The following PPARGC1A variants were observed in gnomAD, a reference collection of about 807,000 sequenced individuals.
The protein encoded by PPARGC1A is PPARG coactivator 1 alpha.
A neutral mutation model predicts 88.7 loss-of-function variants in PPARGC1A; 25 were observed. That is an observed-to-expected ratio of 0.28 (90% CI 0.21 to 0.39). The LOEUF (loss-of-function observed/expected upper bound fraction) is 0.39. Ranked by LOEUF, PPARGC1A falls within the 10% of genes least tolerant of loss-of-function variation. The pLI, the probability that PPARGC1A is intolerant of heterozygous loss-of-function variation, is 1.00. For missense variants in PPARGC1A, 880 were observed against 968.7 expected, an observed-to-expected ratio of 0.91 and a Z score of 1.22; for synonymous variants, 363 against 355.6, an observed-to-expected ratio of 1.02 and a Z score of -0.24.
chr4:24,259,517 T>G, the PPARGC1A span, among the ~76,000 whole-genome samples: 2 of 152,188 alleles, frequency 1.3e-5, no homozygotes, highest in Non-Finnish European at 2.9e-5. Context: ...GGTGGTCCCA[T>G]AACAATATAA....
At chr4:23,893,051 A>G (rs568988699), upstream of PPARGC1A, among the ~76,000 whole-genome samples, 11 of 152,182 alleles carry the variant, frequency 7.2e-5, no homozygotes, top group South Asian at 1.0e-3. Context: ...AGTGCCCCCA[A>G]TGTTGCATAT....
the PPARGC1A span, among the ~76,000 whole-genome samples, chr4:24,296,404 C>T: frequency 6.6e-6 from 1 of 152,034 alleles, no homozygotes. Flanking sequence ...AAATGGGTGT[C>T]TCCTATTTTA....
chr4:24,289,955 G>C, the PPARGC1A span, among the ~76,000 whole-genome samples: 1 of 152,200 alleles, frequency 6.6e-6, no homozygotes, highest in Non-Finnish European at 1.5e-5. Context: ...AATCATGGAG[G>C]AATATTGATG....
At chr4:23,831,817 A>G (rs1035568523) in intron 2 of PPARGC1A, 66 bp from the exon 3 acceptor site, 143 of 1,308,540 alleles carry the variant, frequency 1.1e-4, no homozygotes, top group Non-Finnish European at 1.5e-4. Context: ...CTATGCATCA[A>G]CATGTTTGAC....
At chr4:24,163,037 T>C in the PPARGC1A span, among the ~76,000 whole-genome samples, 1 of 151,856 alleles carries the variant, frequency 6.6e-6, no homozygotes, top group Non-Finnish European at 1.5e-5. Flanking sequence ...AAAAAAATAA[T>C]ATTTTACAAA....
the PPARGC1A span, among the ~76,000 whole-genome samples, chr4:24,172,508 T>A: frequency 5.9e-3 from 892 of 152,256 alleles, 12 homozygotes; most frequent in Non-Finnish European, 7.7e-3. Context: ...CTGCCACTCC[T>A]CTCTCTCTAG....
chr4:23,842,832 G>A (rs1331032692), intron 2 of PPARGC1A, among the ~76,000 whole-genome samples: 1 of 152,034 alleles, frequency 6.6e-6, no homozygotes, highest in African/African-American at 2.4e-5. Flanking sequence ...TTGCTGTTTT[G>A]TGGCTGTTGA....
chr4:23,818,158 C>T (rs1024337962), intron 7 of PPARGC1A, among the ~76,000 whole-genome samples: 3 of 152,108 alleles, frequency 2.0e-5, no homozygotes, highest in Non-Finnish European at 2.9e-5. Context: ...GGATTATTTC[C>T]TGCGTGTTGA....
the PPARGC1A span, among the ~76,000 whole-genome samples, chr4:23,913,265 TATAGAGAGAGAGAGAGAGAGAGAGAG>T: frequency 1.7e-5 from 1 of 58,810 alleles, no homozygotes; most frequent in Non-Finnish European, 3.0e-5. Context: ...TATATATATA[TATAGAGAGAGAGAGAGAGAGAGAGAG>T]AGAGAGAGAG....
chr4:23,834,488 CAAA>C (rs11355768), intron 2 of PPARGC1A, among the ~76,000 whole-genome samples: 1 of 144,244 alleles, frequency 6.9e-6, no homozygotes. Flanking sequence ...GACTCTGTCT[CAAA>C]AAAAAAAAAC....
chr4:24,190,238 G>A, the PPARGC1A span, among the ~76,000 whole-genome samples: 2 of 152,144 alleles, frequency 1.3e-5, no homozygotes, highest in African/African-American at 4.8e-5. Flanking sequence ...AAATATGGGC[G>A]GGTACGGAGG....
At chr4:24,069,122 A>G in the PPARGC1A span, among the ~76,000 whole-genome samples, 1 of 152,190 alleles carries the variant, frequency 6.6e-6, no homozygotes, top group Non-Finnish European at 1.5e-5. Flanking sequence ...CACTGTTATG[A>G]TCTCTACTTT....
At position 23,813,087 on chromosome 4, in the gene PPARGC1A, C is replaced by T. The variant is rs144103777; in HGVS notation, c.1832G>A (p.Arg611His). The T allele has an allele frequency of 1.7e-3, 2,814 of 1,613,996 alleles. 6 individuals carry two copies. The highest frequency in any genetic ancestry group is 1.6e-3 in the Non-Finnish European group (1,856 of 1,179,930). ...YYYESSHYRHRTHRNSPLYVR... is the reference protein window; with the variant it reads ...YYYESSHYRHHTHRNSPLYVR... ...ATACAAGGGAGAATTTCGGTGCGTGCGGTGTCTGTAGTGGCTTGACTCATA... is the reference window on the plus strand; with the variant it reads ...ATACAAGGGAGAATTTCGGTGCGTGTGGTGTCTGTAGTGGCTTGACTCATA... The change falls in exon 9 of 13, where the codon CGC (arginine) becomes CAC (histidine). Residue 611 changes from arginine to histidine, a missense_variant. Arg to His is a conservative substitution (Grantham distance 29). Coordinates refer to ENST00000264867, the MANE Select transcript of PPARGC1A (RefSeq NM_013261.5).
intron 2 of PPARGC1A, 188 bp downstream of exon 2, chr4:23,884,564 A>G: frequency 2.0e-6 from 1 of 506,740 alleles, no homozygotes; most frequent in East Asian, 3.3e-5. Flanking sequence ...AAATCTTTAA[A>G]AAAATAAAAA....
chr4:24,024,799 T>A, the PPARGC1A span, among the ~76,000 whole-genome samples: 1 of 152,224 alleles, frequency 6.6e-6, no homozygotes, highest in African/African-American at 2.4e-5. Flanking sequence ...TGGGGAAGCA[T>A]TGCCAAATAG....
the PPARGC1A span, among the ~76,000 whole-genome samples, chr4:23,923,629 A>G: frequency 6.6e-6 from 1 of 152,224 alleles, no homozygotes; most frequent in Non-Finnish European, 1.5e-5. Flanking sequence ...GAGCTGTCAG[A>G]ATACAAAGGA....
At chr4:24,154,181 TG>T in the PPARGC1A span, among the ~76,000 whole-genome samples, 355 of 152,286 alleles carry the variant, frequency 2.3e-3, 4 homozygotes, top group African/African-American at 7.8e-3. Flanking sequence ...TGCCCTCCCC[TG>T]GCCCTGCAAA....
At chr4:24,371,695 C>T in the PPARGC1A span, among the ~76,000 whole-genome samples, 1 of 151,580 alleles carries the variant, frequency 6.6e-6, no homozygotes, top group East Asian at 1.9e-4. Context: ...AATCCCAGCA[C>T]TTTGAGAGGC....
At chr4:24,059,918 T>C in the PPARGC1A span, among the ~76,000 whole-genome samples, 2 of 152,174 alleles carry the variant, frequency 1.3e-5, no homozygotes, top group African/African-American at 4.8e-5. Flanking sequence ...GCTCTCTGAT[T>C]GCGCCGTCTC....
Sources: allele counts gnomAD v4.1 joint callset (sites outside exome capture counted in the v4.1 genomes callset), GRCh38; gene constraint gnomAD v4.1.1; transcripts MANE v1.5; gene names NCBI Gene and HGNC (gene_info 2026-07-23, HGNC 2026-07-21).